SPOCK1: variants seen among roughly 807,000 people sequenced by gnomAD.
SPOCK1 encodes SPARC (osteonectin), cwcv and kazal like domains proteoglycan 1.
A neutral mutation model predicts 55.3 loss-of-function variants in SPOCK1; 23 were observed. The observed-to-expected ratio is 0.42, with a 90% CI of 0.30 to 0.59. The LOEUF is 0.59. Among genes scored for constraint, SPOCK1 ranks in the 20% least tolerant of loss-of-function variants. The pLI is 0.22. For synonymous variants in SPOCK1, 226 were observed against 221.0 expected (o/e 1.02, Z -0.20); for missense variants, 499 against 552.5 (o/e 0.90, Z 0.97).
At chr5:137,408,026 T>G (rs1256310197) in intron 2 of SPOCK1, among the ~76,000 whole-genome samples, 4 of 150,172 alleles carry the variant, frequency 2.7e-5, no homozygotes, top group Non-Finnish European at 5.9e-5. Context: ...CTGCACTACC[T>G]GGGACTCTTT....
At chr5:137,140,163 T>C (rs925620578) in intron 4 of SPOCK1, among the ~76,000 whole-genome samples, 11 of 152,196 alleles carry the variant, frequency 7.2e-5, no homozygotes, top group African/African-American at 2.7e-4. Context: ...CAGAGAGCCC[T>C]TGGGCCTCAA....
chr5:137,051,211 C>T (rs1365962544), intron 6 of SPOCK1, among the ~76,000 whole-genome samples: 1 of 152,126 alleles, frequency 6.6e-6, no homozygotes, highest in Non-Finnish European at 1.5e-5. Flanking sequence ...TCCTATTATA[C>T]CCCAAAAAGT....
chr5:137,226,672 G>A (rs775898418), intron 3 of SPOCK1, among the ~76,000 whole-genome samples: 15 of 152,098 alleles, frequency 9.9e-5, no homozygotes, highest in Admixed American at 2.6e-4. Flanking sequence ...ACCCCTACCC[G>A]TAGGCTCAGG....
intron 2 of SPOCK1, among the ~76,000 whole-genome samples, chr5:137,448,994 C>T (rs1464798113): frequency 1.3e-5 from 2 of 152,206 alleles, no homozygotes; most frequent in Non-Finnish European, 2.9e-5. Context: ...CAGCACTCTT[C>T]GTTCAGGTGT....
chr5:137,032,639 G>A (rs1751803661), intron 6 of SPOCK1, among the ~76,000 whole-genome samples: 1 of 152,164 alleles, frequency 6.6e-6, no homozygotes. Context: ...CCAGCAATCA[G>A]CTAAGGCAAA....
At chr5:137,224,511 C>A (rs768220366) in intron 3 of SPOCK1, among the ~76,000 whole-genome samples, 2 of 152,208 alleles carry the variant, frequency 1.3e-5, no homozygotes, top group Non-Finnish European at 2.9e-5. Flanking sequence ...ATCAAAATGG[C>A]AGTTCATACC....
chr5:137,210,281 A>G (rs895984053), intron 3 of SPOCK1, among the ~76,000 whole-genome samples: 2 of 152,304 alleles, frequency 1.3e-5, no homozygotes, highest in Admixed American at 6.5e-5. Context: ...ACGTGAATTC[A>G]TCTCAAAGAA....
At chr5:137,116,687 T>G (rs982651396) in intron 4 of SPOCK1, among the ~76,000 whole-genome samples, 1 of 151,290 alleles carries the variant, frequency 6.6e-6, no homozygotes, top group Non-Finnish European at 1.5e-5. Flanking sequence ...TCCTAGGGCA[T>G]AGTCTATACT....
intron 2 of SPOCK1, among the ~76,000 whole-genome samples, chr5:137,356,836 TATAGAG>T (rs1476985514): frequency 1.1e-4 from 1 of 8,770 alleles, no homozygotes; most frequent in Non-Finnish European, 2.1e-4. Flanking sequence ...TATATATATA[TATAGAG>T]AGAGAGAGAG....
intron 4 of SPOCK1, among the ~76,000 whole-genome samples, chr5:137,136,650 G>A (rs1236275609): frequency 6.6e-6 from 1 of 152,030 alleles, no homozygotes; most frequent in African/African-American, 2.4e-5. Context: ...TACTTTTAAT[G>A]TTTTCTATAA....
chr5:137,083,525 G>A (rs1310438691), intron 5 of SPOCK1, among the ~76,000 whole-genome samples: 3 of 152,176 alleles, frequency 2.0e-5, no homozygotes, highest in Non-Finnish European at 4.4e-5. Context: ...CCTATTATGG[G>A]CTAGGCAGTG....
intron 3 of SPOCK1, among the ~76,000 whole-genome samples, chr5:137,200,521 C>T (rs11957950): frequency 0.16 from 24,923 of 152,216 alleles, 2,371 homozygotes; most frequent in South Asian, 0.26. Flanking sequence ...GAAAGGCAGG[C>T]ATTCCTGTCG....
chr5:137,046,429 T>C (rs1265509963), intron 6 of SPOCK1, among the ~76,000 whole-genome samples: 1 of 152,164 alleles, frequency 6.6e-6, no homozygotes, highest in Admixed American at 6.5e-5. Context: ...AGTTCACTCA[T>C]GATTTGGCTC....
At chr5:137,435,680 T>C (rs1752850294) in intron 2 of SPOCK1, among the ~76,000 whole-genome samples, 1 of 152,214 alleles carries the variant, frequency 6.6e-6, no homozygotes, top group Non-Finnish European at 1.5e-5. Context: ...TTATTAGCTA[T>C]TTGTATTTAT....
chr5:137,467,309 T>A (rs1753640638), intron 2 of SPOCK1, among the ~76,000 whole-genome samples: 1 of 152,220 alleles, frequency 6.6e-6, no homozygotes, highest in South Asian at 2.1e-4. Context: ...AGGGCATGAA[T>A]GTCAGGTGAG....
At chr5:137,378,805 G>A (rs1308566518) in intron 2 of SPOCK1, among the ~76,000 whole-genome samples, 1 of 152,188 alleles carries the variant, frequency 6.6e-6, no homozygotes, top group African/African-American at 2.4e-5. Context: ...TCCTTGTGGG[G>A]AGTTTGAAGT....
chr5:137,039,434 T>C (rs921895505), intron 6 of SPOCK1, among the ~76,000 whole-genome samples: 2 of 152,186 alleles, frequency 1.3e-5, no homozygotes, highest in Non-Finnish European at 2.9e-5. Flanking sequence ...TAATGATCCA[T>C]TGAGTACTTG....
intron 9 of SPOCK1, among the ~76,000 whole-genome samples, chr5:136,983,212 T>A (rs1750767070): frequency 6.6e-6 from 1 of 152,180 alleles, no homozygotes; most frequent in African/African-American, 2.4e-5. Context: ...TTGCCTTTTA[T>A]TTAGTGGAAC....
chr5:137,252,984 C>T (rs1756565908), intron 3 of SPOCK1, among the ~76,000 whole-genome samples: 1 of 152,150 alleles, frequency 6.6e-6, no homozygotes, highest in African/African-American at 2.4e-5. Context: ...CAATGACTTC[C>T]TATGCCATTC....
Sources: allele counts gnomAD v4.1 joint callset (sites outside exome capture counted in the v4.1 genomes callset), GRCh38; gene constraint gnomAD v4.1.1; transcripts MANE v1.5; gene names NCBI Gene and HGNC (gene_info 2026-07-23, HGNC 2026-07-21).